DST: variants seen among roughly 807,000 people sequenced by gnomAD.
DST encodes bullous pemphigoid antigen.
A neutral mutation model predicts 875.2 loss-of-function variants in DST; 253 were observed. That is an observed-to-expected ratio of 0.29 (90% CI 0.26 to 0.32). DST has a LOEUF of 0.32. Ranked by LOEUF, DST falls within the 10% of genes least tolerant of loss-of-function variation. The pLI, the probability that DST is intolerant of heterozygous loss-of-function variation, is 1.00. For synonymous variants in DST, 3,124 were observed against 3,197.1 expected (o/e 0.98, Z 0.77); for missense variants, 8,287 against 9,111.6 (o/e 0.91, Z 3.68).
intron 5 of DST, among the ~76,000 whole-genome samples, chr6:56,720,967 C>A (rs566774952): frequency 6.6e-6 from 1 of 151,560 alleles, no homozygotes; most frequent in East Asian, 2.0e-4. Flanking sequence ...ACGGGGCAGC[C>A]GGGCAGAGGC....
chr6:56,576,469 A>T (rs2097864746), intron 50 of DST, among the ~76,000 whole-genome samples: 1 of 152,110 alleles, frequency 6.6e-6, no homozygotes, highest in South Asian at 2.1e-4. Flanking sequence ...TGACCCCTTA[A>T]CCTGTGGGGT....
At chr6:56,893,604 T>C (rs1168995607) in intron 3 of DST, among the ~76,000 whole-genome samples, 1 of 73,506 alleles carries the variant, frequency 1.4e-5, no homozygotes, top group Admixed American at 1.1e-4. Flanking sequence ...TTTTATTTTT[T>C]ATTTTTTATT....
At chr6:56,913,259 C>T (rs1592401752) in intron 2 of DST, among the ~76,000 whole-genome samples, 1 of 152,302 alleles carries the variant, frequency 6.6e-6, no homozygotes, top group Admixed American at 6.5e-5. Flanking sequence ...TGCATTATCT[C>T]ACTATTTCTT....
At chr6:56,853,641 C>T (rs1354683015) in intron 3 of DST, among the ~76,000 whole-genome samples, 2 of 152,080 alleles carry the variant, frequency 1.3e-5, no homozygotes, top group South Asian at 2.1e-4. Flanking sequence ...AAGAACTGCT[C>T]CTTTCCAAAA....
intron 80 of DST, among the ~76,000 whole-genome samples, chr6:56,498,824 C>T (rs1308920114): frequency 6.6e-6 from 1 of 152,198 alleles, no homozygotes; most frequent in South Asian, 2.1e-4. Context: ...AACTAACACT[C>T]TATGTCAGAG....
intron 17 of DST, among the ~76,000 whole-genome samples, chr6:56,641,537 G>A (rs1254980182): frequency 1.5e-4 from 22 of 151,588 alleles, no homozygotes; most frequent in Admixed American, 6.6e-5. Context: ...GCAGTGAGCC[G>A]AGATCACACC....
Position 56,569,909 on chromosome 6 carries a change from C to A in DST, c.13825G>T (p.Val4609Leu). Residue 4609 changes from valine to leucine, a missense_variant, in exon 54 of 104, where the codon GTA (valine) becomes TTA (leucine). Around this residue, in one of 10 missense-constraint regions of DST, gnomAD observed 1,513 missense variants for 1,677.8 expected, o/e 0.90. Coordinates refer to ENST00000680361, the MANE Select transcript of DST (RefSeq NM_001374736.1). ...IKETTKKVPI[V>L]QPSFGAEDLG... ...TCCTCTGCACCAAAAGAAGGCTGTA[C>A]AATGGGAACTTTTTTTGTTGTTTCT... The A allele has an allele frequency of 4.3e-6, 7 of 1,612,322 alleles. No homozygotes were observed. The highest frequency in any genetic ancestry group is 5.9e-6 in the Non-Finnish European group (7 of 1,179,276).
intron 3 of DST, among the ~76,000 whole-genome samples, chr6:56,891,490 C>G (rs1041833648): frequency 6.7e-6 from 1 of 148,628 alleles, no homozygotes; most frequent in African/African-American, 2.5e-5. Flanking sequence ...TGGCGTGAAC[C>G]GGGAGGTGGA....
chr6:56,536,955 G>T lies in DST; in HGVS notation c.16609-15C>A. 1 of 1,611,320 alleles carries T rather than the reference G, an allele frequency of 6.2e-7. No individual in the cohort carries two copies. Among genetic ancestry groups the T allele is most frequent in the South Asian group, 1.1e-5 (1 of 90,810 alleles). On this transcript the variant is annotated splice_polypyrimidine_tract_variant and intron_variant, in intron 61 of 103. Coordinates refer to ENST00000680361, the MANE Select transcript of DST (RefSeq NM_001374736.1). Reference sequence around the variant, plus strand: ...TTCTGGAATACCTGCAGTTAAAAGAGTAATAATTATATGAGTTATATTACC... The same window carrying T: ...TTCTGGAATACCTGCAGTTAAAAGATTAATAATTATATGAGTTATATTACC...
Position 56,607,698 on chromosome 6 carries a change from A to C in DST, c.6930T>G (p.Thr2310=). Residue 2310 remains threonine (T), a synonymous_variant, in exon 40 of 104, where the codon ACT becomes ACG. Coordinates refer to ENST00000680361, the MANE Select transcript of DST (RefSeq NM_001374736.1). ...ACTGAGAAAATTCACTATTGATAAC[A>C]GTATTTCTCATTTCATTAAATTCTT... ...IDEEFNEMRN[T]VINSEFSQSG... 1 of 1,613,466 alleles carries C rather than the reference A, an allele frequency of 6.2e-7. No individual in the cohort carries two copies. The highest frequency in any genetic ancestry group is 2.2e-5 in the East Asian group (1 of 44,860).
chr6:56,545,262 C>A (rs1400675316), intron 61 of DST, among the ~76,000 whole-genome samples: 2 of 151,946 alleles, frequency 1.3e-5, no homozygotes, highest in Non-Finnish European at 2.9e-5. Flanking sequence ...CCTCAGTCTC[C>A]CAAAGTGCTG....
intron 47 of DST, among the ~76,000 whole-genome samples, chr6:56,596,232 T>C (rs574314479): frequency 6.6e-6 from 1 of 152,166 alleles, no homozygotes; most frequent in South Asian, 2.1e-4. Context: ...CTTCACCATG[T>C]TGGCCAGGAT....
intron 3 of DST, among the ~76,000 whole-genome samples, chr6:56,885,322 A>G (rs1002619633): frequency 2.0e-5 from 3 of 152,242 alleles, no homozygotes. Context: ...TTCATGTGCC[A>G]GGGTTCAATA....
chr6:56,555,740 C>T lies in DST; in HGVS notation c.14741G>A (p.Arg4914His), dbSNP rs11756977. Residue 4914 changes from arginine to histidine, a missense_variant, in exon 60 of 104, where the codon CGT becomes CAT. Arg to His is a conservative substitution (Grantham distance 29). Around this residue, in one of 10 missense-constraint regions of DST, gnomAD observed 1,513 missense variants for 1,677.8 expected, o/e 0.90. Coordinates refer to ENST00000680361, the MANE Select transcript of DST (RefSeq NM_001374736.1). ...LSRPGEDPSL[R>H]GIVKEQLAAV... The stretch of plus-strand genomic sequence containing the variant: ...TGCCAGTTGCTCTTTCACAATCCCA[C>T]GTAAAGAAGGGTCTTCTCCAGGCCT... The T allele has an allele frequency of 0.3, 473,724 of 1,605,620 alleles. 71,529 individuals carry two copies. Among genetic ancestry groups the T allele is most frequent in the Middle Eastern group, 0.38 (2,285 of 6,030 alleles).
At chr6:56,833,679 T>C (rs1193531618) in intron 4 of DST, among the ~76,000 whole-genome samples, 4 of 151,986 alleles carry the variant, frequency 2.6e-5, no homozygotes, top group Non-Finnish European at 4.4e-5. Flanking sequence ...TACAACTCTA[T>C]GAAGCAGATA....
rs1287781544 is a variant in DST at position 56,470,242 on chromosome 6, G to A, written c.22362C>T (p.Asp7454=). The change falls in exon 96 of 104, where the codon GAC becomes GAT. Residue 7454 remains aspartate, a synonymous_variant. Coordinates refer to ENST00000680361, the MANE Select transcript of DST (RefSeq NM_001374736.1). ...ATCCATCGCCATCTCTGTCAAAGATGTCTGCAACTGCGCTCATCTCCAAGC... is the reference window on the plus strand; with the variant it reads ...ATCCATCGCCATCTCTGTCAAAGATATCTGCAACTGCGCTCATCTCCAAGC... ...TSRLEMSAVA[D]IFDRDGDGYI... The A allele has an allele frequency of 3.1e-6, 5 of 1,610,834 alleles. No homozygotes were observed. Among genetic ancestry groups the A allele is most frequent in the Non-Finnish European group, 4.2e-6 (5 of 1,178,426 alleles).
chr6:56,736,206 T>C (rs2099523185), intron 4 of DST, among the ~76,000 whole-genome samples: 1 of 152,130 alleles, frequency 6.6e-6, no homozygotes, highest in South Asian at 2.1e-4. Context: ...ATTTCTTTCC[T>C]AGATTCCTGT....
chr6:56,829,956 T>C (rs1352659747), intron 4 of DST, among the ~76,000 whole-genome samples: 1 of 152,006 alleles, frequency 6.6e-6, no homozygotes, highest in Non-Finnish European at 1.5e-5. Context: ...CTTCCTTTAT[T>C]GTTGAATTTC....
chr6:56,560,538 A>G, intron 57 of DST, 115 bp from the exon 58 acceptor site: 1 of 1,147,402 alleles, frequency 8.7e-7, no homozygotes, highest in Non-Finnish European at 1.2e-6. Context: ...CTACTGTTAA[A>G]TGTTGTGGTG....
Sources: gnomAD v4.1 joint callset for allele counts (sites outside exome capture counted in the v4.1 genomes callset) on GRCh38, gnomAD v4.1.1 for gene constraint, gnomAD v4.1.1 regional missense constraint, MANE v1.5 for transcripts, NCBI Gene and HGNC (gene_info 2026-07-23, HGNC 2026-07-21) for gene names.